Variants in PAPPA observed in about 807,000 individuals in gnomAD.
The protein encoded by PAPPA is pappalysin 1, also known as pappalysin-1.
Under a neutral mutation model 164.0 loss-of-function variants are expected in PAPPA, and 60 were observed. That is an observed-to-expected ratio of 0.37 (90% CI 0.30 to 0.45). PAPPA has a LOEUF of 0.45. Among genes scored for constraint, PAPPA ranks in the 20% least tolerant of loss-of-function variants. The pLI is 1.00. For missense variants in PAPPA, 1,782 were observed against 2,087.3 expected (o/e 0.85, Z 2.85); for synonymous variants, 875 against 814.1 (o/e 1.07, Z -1.27).
In PAPPA at chr9:116,334,845, C is replaced by CT. The variant is rs1162060397; in HGVS notation, c.3398-15dup. ...TAATGAGCCTGGCCCCTCGGCCCCT[C>CT]TGTCTCCCCTGACAGGCCTCCATGT... is the stretch of plus-strand genomic sequence containing the variant. On this transcript the variant is annotated splice_polypyrimidine_tract_variant and intron_variant, in intron 12 of 21. Transcript: ENST00000328252. The CT allele has an allele frequency of 6.2e-7, 1 of 1,606,244 alleles. No homozygotes were observed. The highest frequency in any genetic ancestry group is 8.5e-7 in the Non-Finnish European group (1 of 1,173,076).
chr9:116,312,288 C>CTTTTTTTT (rs5900201), intron 10 of PAPPA, among the ~76,000 whole-genome samples: 85 of 129,542 alleles, frequency 6.6e-4, no homozygotes, highest in Non-Finnish European at 8.1e-4. Flanking sequence ...TTCTTTCTTT[C>CTTTTTTTT]TTTTTTTTTT....
chr9:116,253,705 T>C, intron 7 of PAPPA, among the ~76,000 whole-genome samples: 1 of 152,216 alleles, frequency 6.6e-6, no homozygotes, highest in Non-Finnish European at 1.5e-5. Flanking sequence ...AAACTGTGTG[T>C]ATATAACTTT....
At position 116,365,596 on chromosome 9, in the gene PAPPA, A is replaced by G. The variant is rs551206687; in HGVS notation, c.4496-2049A>G. On this transcript the variant is annotated intron_variant, in intron 18 of 21. Transcript: ENST00000328252. Reference sequence around the variant, plus strand: ...TCTTGGGATAAGATAGCCTTTGTCTATTTCTCAGAGGCTGCATTTTTTTTT... The same window carrying G: ...TCTTGGGATAAGATAGCCTTTGTCTGTTTCTCAGAGGCTGCATTTTTTTTT... Among the ~76,000 whole-genome samples, 32 of 99,586 alleles carry G rather than the reference A, an allele frequency of 3.2e-4. No homozygotes were observed. In the East Asian group the frequency reaches 0.011, roughly 34 times the overall value. 65.3% of individuals were successfully genotyped at this position (99,586 alleles called of 152,430 possible). A position where few individuals can be genotyped will look rare whatever the true frequency, so the allele number is the denominator to read the frequency against.
intron 21 of PAPPA, among the ~76,000 whole-genome samples, chr9:116,391,939 T>C (rs117869383): frequency 2.8e-4 from 42 of 152,248 alleles, no homozygotes; most frequent in Non-Finnish European, 5.6e-4. Context: ...AAGATGTGAT[T>C]CTTCTCTCCA....
At chr9:116,264,861 G>A (rs1269326671) in intron 7 of PAPPA, among the ~76,000 whole-genome samples, 1 of 152,172 alleles carries the variant, frequency 6.6e-6, no homozygotes, top group East Asian at 1.9e-4. Context: ...TGGTCGTGTG[G>A]AATTGACATA....
intron 10 of PAPPA, among the ~76,000 whole-genome samples, chr9:116,304,192 C>T (rs138278087): frequency 2.0e-5 from 3 of 152,298 alleles, no homozygotes; most frequent in Non-Finnish European, 4.4e-5. Context: ...CTGTCTGGCT[C>T]CCCCATTAGG....
chr9:116,317,969 T>A (rs1314117039), intron 10 of PAPPA, among the ~76,000 whole-genome samples: 1 of 152,258 alleles, frequency 6.6e-6, no homozygotes, highest in Non-Finnish European at 1.5e-5. Context: ...GCAATGTATT[T>A]TTTTAAATAA....
At chr9:116,267,908 A>G (rs1845090488) in intron 8 of PAPPA, among the ~76,000 whole-genome samples, 2 of 146,528 alleles carry the variant, frequency 1.4e-5, no homozygotes, top group African/African-American at 5.0e-5. Flanking sequence ...AAAAAAAAAA[A>G]AGAAATGGCA....
At position 116,154,396 on chromosome 9, in the gene PAPPA, C is replaced by T. The variant is rs908510449; in HGVS notation, c.224C>T (p.Pro75Leu). The change falls in exon 1 of 22, where the codon CCC becomes CTC. Residue 75 changes from proline (P) to leucine (L), a missense_variant. By Grantham distance (98) the Pro-to-Leu change is moderately conservative. Transcript: ENST00000328252. This position sits in a 1 kb window ranked among gnomAD's most constrained non-coding sequence, Gnocchi z 5.2. ...PGGAWEAVRV[P>L]RRRQQREARG... is the part of the protein sequence containing the mutation. ...GGTGCCTGGGAAGCCGTGCGCGTCC[C>T]CCGGCGGCGGCAGCAGCGGGAGGCG... 25 of 1,151,384 alleles carry T rather than the reference C, an allele frequency of 2.2e-5. No homozygotes were observed. The highest frequency in any genetic ancestry group is 2.7e-5 in the Non-Finnish European group (25 of 910,268). The allele number at this position is 1,151,384 out of a possible 1,614,324, so 71.3% of individuals were successfully genotyped here.
intron 1 of PAPPA, among the ~76,000 whole-genome samples, chr9:116,184,793 T>C (rs1211354510): frequency 6.6e-6 from 1 of 152,194 alleles, no homozygotes; most frequent in Non-Finnish European, 1.5e-5. Flanking sequence ...AGACATAAAT[T>C]AATGCCTTTG....
At chr9:116,384,256 G>C (rs1293631407) in intron 21 of PAPPA, among the ~76,000 whole-genome samples, 2 of 108,846 alleles carry the variant, frequency 1.8e-5, no homozygotes, top group African/African-American at 7.0e-5. Context: ...GCAGACCCTT[G>C]TCTCTACACG....
At chr9:116,379,426 T>A (rs1261679974) in intron 20 of PAPPA, among the ~76,000 whole-genome samples, 2 of 152,158 alleles carry the variant, frequency 1.3e-5, no homozygotes, top group Admixed American at 1.3e-4. Context: ...AAAGCTTCAC[T>A]GAGAACCTCT....
Position 116,154,337 on chromosome 9 carries a change from C to T in PAPPA, c.165C>T (p.Arg55=). 6 of 828,460 alleles carry T rather than the reference C, an allele frequency of 7.2e-6. No homozygotes were observed. Among genetic ancestry groups the T allele is most frequent in the Non-Finnish European group, 8.7e-6 (6 of 691,374 alleles). 51.3% of individuals were successfully genotyped at this position (828,460 alleles called of 1,614,324 possible). Residue 55 remains arginine (R), a synonymous_variant, in exon 1 of 22, where the codon CGC becomes CGT. Transcript: ENST00000328252. The surrounding 1 kb of genome is among the most constrained non-coding windows in gnomAD (Gnocchi z 5.2). ...ATCATRAARG[R]RASPPPPPPP... ...GCGCCACCCGGGCGGCCCGCGGCCGCCGCGCCTCGCCGCCGCCGCCGCCGC... is the reference window on the plus strand; with the variant it reads ...GCGCCACCCGGGCGGCCCGCGGCCGTCGCGCCTCGCCGCCGCCGCCGCCGC...
chr9:116,168,095 G>A (rs1052668361), intron 1 of PAPPA, among the ~76,000 whole-genome samples: 13 of 152,108 alleles, frequency 8.5e-5, no homozygotes, highest in Non-Finnish European at 1.8e-4. Context: ...GTTTATATTA[G>A]TAAGATTACT....
At chr9:116,371,887 A>G (rs1056182783) in intron 19 of PAPPA, among the ~76,000 whole-genome samples, 8 of 152,048 alleles carry the variant, frequency 5.3e-5, no homozygotes, top group Non-Finnish European at 1.2e-4. Context: ...CTCTATTGCT[A>G]TGGATTGGTT....
At chr9:116,315,876 TGAGTA>T (rs1018163648) in intron 10 of PAPPA, among the ~76,000 whole-genome samples, 9 of 152,198 alleles carry the variant, frequency 5.9e-5, no homozygotes, top group East Asian at 3.9e-4. Context: ...TTGATAATGA[TGAGTA>T]GAGTAAAGAG....
At chr9:116,158,520 TAC>T (rs1188956741) in intron 1 of PAPPA, among the ~76,000 whole-genome samples, 1 of 152,214 alleles carries the variant, frequency 6.6e-6, no homozygotes, top group African/African-American at 2.4e-5. Flanking sequence ...CTTCCTCATG[TAC>T]AGAGTGATGA....
intron 15 of PAPPA, among the ~76,000 whole-genome samples, chr9:116,352,434 G>C (rs927254514): frequency 2.6e-5 from 4 of 152,190 alleles, no homozygotes; most frequent in Admixed American, 2.0e-4. Flanking sequence ...TCTTTTCTAT[G>C]CAGCAGAAGA....
At chr9:116,229,130 C>A (rs1844553994) in intron 6 of PAPPA, among the ~76,000 whole-genome samples, 1 of 152,044 alleles carries the variant, frequency 6.6e-6, no homozygotes, top group Admixed American at 6.6e-5. Flanking sequence ...GAAGGGGACC[C>A]CATGCAGAAC....
Sources: allele counts gnomAD v4.1 joint callset (sites outside exome capture counted in the v4.1 genomes callset), GRCh38; gene constraint gnomAD v4.1.1; non-coding constraint Gnocchi (gnomAD v3.1); transcripts MANE v1.5; gene names NCBI Gene and HGNC (gene_info 2026-07-23, HGNC 2026-07-21).